The following CEP57L1 variants were observed in gnomAD, a reference collection of about 807,000 sequenced individuals.
CEP57L1 encodes the protein centrosomal protein CEP57L1.
In CEP57L1, 37 loss-of-function variants were observed where a neutral mutation model predicts 61.0. That is an observed-to-expected ratio of 0.61 (90% confidence interval 0.47 to 0.80). The LOEUF (loss-of-function observed/expected upper bound fraction) is 0.80, where lower values mean the gene tolerates loss of function less well. Among genes scored for constraint, CEP57L1 ranks in the 30% least tolerant of loss-of-function variants. The pLI is 0.00. For synonymous variants in CEP57L1, 137 were observed against 162.3 expected (o/e 0.84, Z 1.19); for missense variants, 422 against 524.7 (o/e 0.80, Z 1.91).
rs963965382 is a variant in CEP57L1, at chr6:109,109,772, G to A, written c.-4+14197G>A. On this transcript the variant is annotated intron_variant, in intron 1 of 10. Transcript: ENST00000517392. ...TTCTCATCGTTCAACTCCCACTTAT[G>A]AGTGAGAACATGTGGTGTTTGGTTT... Among the ~76,000 whole-genome samples, 8 of 152,300 alleles carry A rather than the reference G, an allele frequency of 5.3e-5. No homozygotes were observed. In the South Asian group the frequency reaches 1.4e-3, roughly 28 times the overall value.
At position 109,149,839 on chromosome 6, in the gene CEP57L1, CT is replaced by C. The variant is rs1352798898; in HGVS notation, c.341-277del. On this transcript the variant is annotated intron_variant, in intron 3 of 10. Coordinates refer to ENST00000517392, the MANE Select transcript of CEP57L1 (RefSeq NM_001271852.3). ...CTCCTTGAAGAGGTCCTTTATGTCC[CT>C]TGTAAGTTGGATTCCTAGGTATTTT... Among the ~76,000 whole-genome samples the C allele has an allele frequency of 3.3e-5, 5 of 152,142 alleles. No homozygotes were observed. The East Asian group carries it at 9.7e-4, about 29-fold the overall frequency.
intron 3 of CEP57L1, among the ~76,000 whole-genome samples, chr6:109,149,583 G>C (rs1255712252): frequency 1.3e-5 from 2 of 151,914 alleles, no homozygotes. Flanking sequence ...TTTGGCTTAG[G>C]ATTGACTTGG....
intron 1 of CEP57L1, among the ~76,000 whole-genome samples, chr6:109,104,780 T>C (rs1243843130): frequency 6.6e-6 from 1 of 151,696 alleles, no homozygotes; most frequent in African/African-American, 2.4e-5. Flanking sequence ...AGAGACAGGG[T>C]CTCACAGTAT....
At chr6:109,105,103 T>C (rs1770771374) in intron 1 of CEP57L1, among the ~76,000 whole-genome samples, 1 of 152,158 alleles carries the variant, frequency 6.6e-6, no homozygotes, top group South Asian at 2.1e-4. Flanking sequence ...CTTGTTTCTG[T>C]ATTTCAGATA....
chr6:109,119,497 A>G (rs1461584380), intron 1 of CEP57L1, among the ~76,000 whole-genome samples: 1 of 152,138 alleles, frequency 6.6e-6, no homozygotes, highest in Non-Finnish European at 1.5e-5. Context: ...ATTAAGTGAG[A>G]TTACAAATAT....
chr6:109,165,853 C>T lies in CEP57L1; in HGVS notation c.*2883C>T, dbSNP rs1182990309. The T allele has an allele frequency of 6.6e-6, 1 of 152,182 alleles. No individual in the cohort carries two copies. The highest frequency in any genetic ancestry group is 1.5e-5 in the Non-Finnish European group (1 of 68,026). 9.4% of individuals were successfully genotyped at this position (152,182 alleles called of 1,614,324 possible). A position where few individuals can be genotyped will look rare whatever the true frequency, so the allele number is the denominator to read the frequency against. ...GTCAGTGTAAGAGTTGCTGTAGCAA[C>T]CTCACAGCTGTGCTCTGTCTAGCAG... is the stretch of plus-strand genomic sequence containing the variant. On this transcript the variant is annotated 3_prime_UTR_variant, in exon 11 of 11. Transcript: ENST00000517392.
Position 109,169,252 on chromosome 6 carries a change from A to G in CEP57L1, c.*6282A>G, listed in dbSNP as rs919558783. On this transcript the variant is annotated 3_prime_UTR_variant, in exon 11 of 11. Transcript: ENST00000517392. ...AAAAAAAAAAAAAAAAAAAAAGATC[A>G]GAGTGCATCACACATAATTAAGGTA... Among the ~76,000 whole-genome samples, 2 of 149,572 alleles carry G rather than the reference A, an allele frequency of 1.3e-5. No individual in the cohort carries two copies. Among genetic ancestry groups the G allele is most frequent in the African/African-American group, 4.9e-5 (2 of 40,868 alleles).
chr6:109,106,906 C>T (rs1366625618), intron 1 of CEP57L1, among the ~76,000 whole-genome samples: 1 of 152,200 alleles, frequency 6.6e-6, no homozygotes, highest in African/African-American at 2.4e-5. Context: ...CACCACTTCA[C>T]TCCAACTTAG....
rs536519418 is a variant in CEP57L1 at position 109,173,885 on chromosome 6, G to A, written c.*10915G>A. ...AGGCAAAGGAAGGTGGATCACTTGA[G>A]GTCAGGAGTTTGAGACCAGCCTCCA... On this transcript the variant is annotated 3_prime_UTR_variant, in exon 11 of 11. Transcript: ENST00000517392. Among the ~76,000 whole-genome samples the A allele has an allele frequency of 2.2e-4, 33 of 151,722 alleles. No individual in the cohort carries two copies. The highest frequency in any genetic ancestry group is 7.3e-4 in the African/African-American group (30 of 41,378).
chr6:109,134,484 G>T (rs77133315), intron 1 of CEP57L1, among the ~76,000 whole-genome samples: 25,306 of 152,050 alleles, frequency 0.17, 2,938 homozygotes, highest in East Asian at 0.46. Flanking sequence ...CTGGAAGCAT[G>T]CCCTTTGAAA....
intron 1 of CEP57L1, among the ~76,000 whole-genome samples, chr6:109,106,309 A>G (rs1770927566): frequency 1.3e-5 from 2 of 152,282 alleles, no homozygotes; most frequent in Middle Eastern, 3.4e-3. Flanking sequence ...ATAGAAAATC[A>G]TATTTCCTAC....
chr6:109,136,606 T>C (rs939172278), intron 1 of CEP57L1, among the ~76,000 whole-genome samples: 9 of 149,928 alleles, frequency 6.0e-5, no homozygotes, highest in Non-Finnish European at 1.0e-4. Context: ...ATTTTGCAAA[T>C]GCGGAATTTG....
At position 109,168,876 on chromosome 6, in the gene CEP57L1, G is replaced by C. The variant is rs575114438; in HGVS notation, c.*5906G>C. On this transcript the variant is annotated 3_prime_UTR_variant, in exon 11 of 11. Coordinates refer to ENST00000517392, the MANE Select transcript of CEP57L1 (RefSeq NM_001271852.3). ...GTCCCAAAGTGCTGGGATTACAGGC[G>C]TGAGCCACCATGCCTGGCCAGCATT... 1.3e-5 allele frequency among the ~76,000 whole-genome samples: 2 copies of C among 149,064 alleles called. No individual in the cohort carries two copies. The highest frequency in any genetic ancestry group is 2.1e-4 in the South Asian group (1 of 4,770).
At chr6:109,098,157 CCT>C (rs1479925678) in intron 1 of CEP57L1, among the ~76,000 whole-genome samples, 1 of 151,376 alleles carries the variant, frequency 6.6e-6, no homozygotes, top group African/African-American at 2.4e-5. Context: ...TCTCTCTCTC[CCT>C]CTGTCTCAAC....
rs184476625 is a variant in CEP57L1 at position 109,147,207 on chromosome 6, A to G, written c.340+270A>G. ...ACAAGTTGTGTTTAAAAATTAGAAT[A>G]TTTTCAGAATAGCCAACAAACTCCA... On this transcript the variant is annotated intron_variant, in intron 3 of 10. Transcript: ENST00000517392. Among the ~76,000 whole-genome samples the G allele has an allele frequency of 4.9e-3, 746 of 152,210 alleles. 5 individuals carry two copies. Among genetic ancestry groups the G allele is most frequent in the African/African-American group, 0.017 (692 of 41,572 alleles).
At chr6:109,122,174 A>G (rs1285076388) in intron 1 of CEP57L1, among the ~76,000 whole-genome samples, 1 of 152,152 alleles carries the variant, frequency 6.6e-6, no homozygotes. Context: ...CTCTGCCTGA[A>G]AGATTTTTTT....
chr6:109,142,923 C>G (rs190872729), intron 1 of CEP57L1, among the ~76,000 whole-genome samples: 22 of 151,008 alleles, frequency 1.5e-4, no homozygotes, highest in South Asian at 2.1e-4. Flanking sequence ...CTCGCTTTCT[C>G]ACTCTTGTTC....
intron 1 of CEP57L1, among the ~76,000 whole-genome samples, chr6:109,136,725 A>C (rs1474739532): frequency 4.9e-5 from 7 of 143,906 alleles, no homozygotes; most frequent in African/African-American, 1.9e-4. Context: ...ATTTTATTTT[A>C]TTTTATTTTA....
chr6:109,109,909 C>T (rs550983646), intron 1 of CEP57L1, among the ~76,000 whole-genome samples: 12 of 152,208 alleles, frequency 7.9e-5, no homozygotes, highest in Admixed American at 2.0e-4. Context: ...ATGGTGTATA[C>T]GTGCCACATT....
Sources: allele counts gnomAD v4.1 joint callset (sites outside exome capture counted in the v4.1 genomes callset), GRCh38; gene constraint gnomAD v4.1.1; transcripts MANE v1.5; gene names NCBI Gene and HGNC (gene_info 2026-07-23, HGNC 2026-07-21).